PLEKHH2: variants seen among roughly 807,000 people sequenced by gnomAD.
PLEKHH2 encodes pleckstrin homology, MyTH4 and FERM domain containing H2.
Under a neutral mutation model 187.9 loss-of-function variants are expected in PLEKHH2, and 129 were observed. The ratio of observed to expected loss-of-function variants is 0.69; its 90% CI spans 0.59 to 0.79. The LOEUF (loss-of-function observed/expected upper bound fraction) is 0.79, where lower values mean the gene tolerates loss of function less well. Ranked by LOEUF, PLEKHH2 falls within the 30% of genes least tolerant of loss-of-function variation. The probability of loss-of-function intolerance (pLI) is 0.00; values close to 1 mark genes in which losing one functional copy is unlikely to be tolerated. For missense variants in PLEKHH2, 2,076 were observed against 1,751.2 expected (o/e 1.19, Z -3.31); for synonymous variants, 686 against 605.6 (o/e 1.13, Z -1.95).
intron 15 of PLEKHH2, among the ~76,000 whole-genome samples, chr2:43,713,664 T>G (rs939030006): frequency 1.3e-5 from 2 of 151,530 alleles, no homozygotes; most frequent in Non-Finnish European, 2.9e-5. Context: ...AATTCTGTTT[T>G]TTTTTTTTTT....
rs1669231709 is a variant in PLEKHH2 at position 43,699,137 on chromosome 2, G to A, written c.689-510G>A. The stretch of plus-strand genomic sequence containing the variant: ...CATGCTGTTCATTTTTTTGGTGACT[G>A]CTTTCTTTGATAGTGAAAGTTGCCC... On this transcript the variant is annotated intron_variant, in intron 7 of 29. Coordinates refer to ENST00000282406, the MANE Select transcript of PLEKHH2 (RefSeq NM_172069.4). Among the ~76,000 whole-genome samples the A allele has an allele frequency of 2.0e-5, 3 of 151,792 alleles. No homozygotes were observed. The South Asian group carries it at 6.2e-4, about 32-fold the overall frequency.
In PLEKHH2 at chr2:43,757,250, T is replaced by C. The variant is rs1362626676; in HGVS notation, c.3927T>C (p.Ser1309=). Residue 1309 remains serine, a synonymous_variant, in exon 26 of 30, where the codon TCT becomes TCC. Transcript: ENST00000282406. ...CTAAAAGGTATAGAGATGGCTGTTC[T>C]GAAGAGCAGTTAAGGTAAGGAAATC... The part of the protein sequence containing the change: ...FYPKRYRDGC[S]EEQLRQLCQR... 2 of 1,574,482 alleles carry C rather than the reference T, an allele frequency of 1.3e-6. No homozygotes were observed. Among genetic ancestry groups the C allele is most frequent in the Non-Finnish European group, 1.7e-6 (2 of 1,165,080 alleles).
intron 10 of PLEKHH2, among the ~76,000 whole-genome samples, chr2:43,706,636 G>A (rs1669670732): frequency 1.3e-5 from 2 of 152,166 alleles, no homozygotes; most frequent in Admixed American, 6.5e-5. Context: ...AGTTTTTACT[G>A]TGTCCCATGT....
At chr2:43,697,417 A>C in intron 7 of PLEKHH2, 61 bp downstream of exon 7, 2 of 1,370,708 alleles carry the variant, frequency 1.5e-6, no homozygotes, top group South Asian at 2.9e-5. Flanking sequence ...TCATTTGCTA[A>C]GATTAATCCA....
chr2:43,646,487 C>T (rs1666190420), intron 2 of PLEKHH2, among the ~76,000 whole-genome samples: 1 of 152,116 alleles, frequency 6.6e-6, no homozygotes, highest in African/African-American at 2.4e-5. Context: ...TTCTTGACTT[C>T]TGTACTCGTT....
chr2:43,741,101 A>G lies in PLEKHH2; in HGVS notation c.3221+58A>G, dbSNP rs114284417. ...TGTGGCCTCTGAAAGTCTACGATAA[A>G]TCATAAGTATTTAACGATCTGCCAG... On this transcript the variant is annotated intron_variant, in intron 21 of 29. Transcript: ENST00000282406. The G allele has an allele frequency of 2.2e-3, 3,230 of 1,464,550 alleles. 52 individuals carry two copies. The African/African-American group carries it at 0.036, about 17-fold the overall frequency. 90.7% of individuals were successfully genotyped at this position (1,464,550 alleles called of 1,614,324 possible).
At chr2:43,733,726 G>T (rs551165628) in intron 19 of PLEKHH2, among the ~76,000 whole-genome samples, 6 of 152,148 alleles carry the variant, frequency 3.9e-5, no homozygotes, top group African/African-American at 1.4e-4. Flanking sequence ...AAGTAGAGGT[G>T]GGGAGGTGGT....
rs537417221 is a variant in PLEKHH2, at chr2:43,721,666, G to A, written c.2541+917G>A. The stretch of plus-strand genomic sequence containing the variant: ...TGGGAGGCCAAGAGGTGGGAGGATC[G>A]TTTGAGCCCAGGAGTTTGAGACCAG... On this transcript the variant is annotated intron_variant, in intron 16 of 29. Coordinates refer to ENST00000282406, the MANE Select transcript of PLEKHH2 (RefSeq NM_172069.4). 2.2e-4 allele frequency among the ~76,000 whole-genome samples: 33 copies of A among 152,258 alleles called. No individual in the cohort carries two copies. The South Asian group carries it at 2.7e-3, about 12-fold the overall frequency.
At position 43,751,302 on chromosome 2, in the gene PLEKHH2, G is replaced by T. The variant is rs184043413; in HGVS notation, c.3654-2317G>T. 3.0e-4 allele frequency among the ~76,000 whole-genome samples: 45 copies of T among 152,338 alleles called. 1 individual carries two copies. In the East Asian group the frequency reaches 7.3e-3, roughly 25 times the overall value. Reference sequence around the variant, plus strand: ...TGGAAGTTGGACGCCACTGAGGCAGGAAGAGAACAATTGCAGTTTTAGTAG... The same window carrying T: ...TGGAAGTTGGACGCCACTGAGGCAGTAAGAGAACAATTGCAGTTTTAGTAG... On this transcript the variant is annotated intron_variant, in intron 24 of 29. Transcript: ENST00000282406.
rs1669028055 is a variant in PLEKHH2, at chr2:43,695,211, G to A, written c.489G>A (p.Gln163=). The A allele has an allele frequency of 6.3e-7, 1 of 1,580,556 alleles. No individual in the cohort carries two copies. ...QNQTEEIRTM[Q]SKLQEVQGKK... ...AAACTGAAGAGATAAGAACAATGCA[G>A]TCAAAACTACAAGGTACAAATACTT... is the stretch of plus-strand genomic sequence containing the variant. Residue 163 remains glutamine, a synonymous_variant, in exon 6 of 30, where the codon CAG becomes CAA. Transcript: ENST00000282406.
At chr2:43,648,248 G>A (rs1024979170) in intron 2 of PLEKHH2, among the ~76,000 whole-genome samples, 1 of 151,992 alleles carries the variant, frequency 6.6e-6, no homozygotes, top group Non-Finnish European at 1.5e-5. Flanking sequence ...GAGTGCAGTG[G>A]CGCCATCTCA....
At chr2:43,741,538 A>T (rs1024866037) in intron 21 of PLEKHH2, among the ~76,000 whole-genome samples, 2 of 152,228 alleles carry the variant, frequency 1.3e-5, no homozygotes, top group African/African-American at 4.8e-5. Context: ...ATTGGGACCC[A>T]GGTCACTCAG....
intron 28 of PLEKHH2, among the ~76,000 whole-genome samples, chr2:43,762,939 C>CT (rs1285501103): frequency 6.6e-6 from 1 of 152,036 alleles, no homozygotes; most frequent in Non-Finnish European, 1.5e-5. Context: ...ATTTTATTCT[C>CT]TTTTTTGTTT....
chr2:43,659,637 C>A (rs1449731457), intron 2 of PLEKHH2, among the ~76,000 whole-genome samples: 1 of 150,348 alleles, frequency 6.7e-6, no homozygotes, highest in African/African-American at 2.5e-5. Context: ...AGCTCACTGG[C>A]AACCTCTGCC....
Position 43,765,685 on chromosome 2 carries a change from G to A in PLEKHH2, c.*87G>A, listed in dbSNP as rs894395598. The A allele has an allele frequency of 4.5e-5, 58 of 1,289,992 alleles. No homozygotes were observed. Among genetic ancestry groups the A allele is most frequent in the Non-Finnish European group, 5.6e-5 (53 of 945,518 alleles). The allele number at this position is 1,289,992 out of a possible 1,614,324, so 79.9% of individuals were successfully genotyped here. ...CAAGTTCGTTTACACCTGGCAGCAC[G>A]GCAGCCACACACCGGTATTCCAAAC... On this transcript the variant is annotated 3_prime_UTR_variant, in exon 30 of 30. Transcript: ENST00000282406.
intron 6 of PLEKHH2, among the ~76,000 whole-genome samples, chr2:43,696,647 C>T (rs1377043164): frequency 6.6e-6 from 1 of 152,006 alleles, no homozygotes; most frequent in Non-Finnish European, 1.5e-5. Context: ...TAGACCCAAC[C>T]TCCCCATCTA....
intron 1 of PLEKHH2, among the ~76,000 whole-genome samples, chr2:43,644,029 A>G (rs1046837385): frequency 6.6e-6 from 1 of 152,110 alleles, no homozygotes. Context: ...TACACCAAAT[A>G]AAAATTATGC....
rs570005859 is a variant in PLEKHH2, at chr2:43,730,922, T to C, written c.2831-568T>C. 3.9e-5 allele frequency among the ~76,000 whole-genome samples: 6 copies of C among 152,336 alleles called. No individual in the cohort carries two copies. The East Asian group carries it at 9.6e-4, about 24-fold the overall frequency. On this transcript the variant is annotated intron_variant, in intron 18 of 29. Coordinates refer to ENST00000282406, the MANE Select transcript of PLEKHH2 (RefSeq NM_172069.4). Reference sequence around the variant, plus strand: ...TAGATCTTTCCCCAGCTCTTTCTCATATATAGTCATGCCCCCTACCTAGGT... The same window carrying C: ...TAGATCTTTCCCCAGCTCTTTCTCACATATAGTCATGCCCCCTACCTAGGT...
At chr2:43,742,612 A>C (rs1671616854) in intron 21 of PLEKHH2, 129 bp from the exon 22 acceptor site, 1 of 634,528 alleles carries the variant, frequency 1.6e-6, no homozygotes, top group Non-Finnish European at 2.3e-6. Context: ...ATTATCATTC[A>C]AAAAAAGTTA....
Sources: gnomAD v4.1 joint callset for allele counts (sites outside exome capture counted in the v4.1 genomes callset) on GRCh38, gnomAD v4.1.1 for gene constraint, MANE v1.5 for transcripts, NCBI Gene and HGNC (gene_info 2026-07-23, HGNC 2026-07-21) for gene names.